FBXL13: variants seen among roughly 807,000 people sequenced by gnomAD.
FBXL13 encodes the protein F-box and leucine-rich repeat protein 13.
A neutral mutation model predicts 83.6 loss-of-function variants in FBXL13; 67 were observed. That is an observed-to-expected ratio of 0.80 (90% CI 0.66 to 0.98). FBXL13 has a LOEUF of 0.98. FBXL13 is among the 50% of genes least tolerant of loss of function. The probability of loss-of-function intolerance (pLI) is 0.00; values close to 1 mark genes in which losing one functional copy is unlikely to be tolerated. For synonymous variants in FBXL13, 272 were observed against 299.5 expected (o/e 0.91, Z 0.95); for missense variants, 822 against 866.5 (o/e 0.95, Z 0.64).
intron 11 of FBXL13, among the ~76,000 whole-genome samples, chr7:102,885,019 C>T (rs775749386): frequency 3.2e-4 from 48 of 152,058 alleles, no homozygotes; most frequent in African/African-American, 6.0e-4. Context: ...GGAAAAACTA[C>T]GTTTTAAAAA....
At chr7:102,941,724 G>A (rs1821484687) in intron 8 of FBXL13, among the ~76,000 whole-genome samples, 3 of 150,592 alleles carry the variant, frequency 2.0e-5, no homozygotes. Context: ...AACTATCAAT[G>A]CAAACAAGTT....
chr7:103,020,563 T>C (rs1793032179), intron 6 of FBXL13, among the ~76,000 whole-genome samples: 1 of 152,232 alleles, frequency 6.6e-6, no homozygotes, highest in African/African-American at 2.4e-5. Flanking sequence ...CCAGATGACA[T>C]GATTGTATAT....
At chr7:102,834,702 G>GT (rs1015450975) in intron 17 of FBXL13, 10 of 151,938 alleles carry the variant, frequency 6.6e-5, no homozygotes, top group Non-Finnish European at 1.5e-4. Context: ...ACATTCAATT[G>GT]TTTTTTCAGT....
At chr7:102,811,571 C>A (rs1240895164), downstream of FBXL13, among the ~76,000 whole-genome samples, 1 of 152,204 alleles carries the variant, frequency 6.6e-6, no homozygotes, top group Non-Finnish European at 1.5e-5. Context: ...GAATGTAAAG[C>A]AACCTGCTAG....
intron 16 of FBXL13, among the ~76,000 whole-genome samples, chr7:102,864,802 A>C (rs375689938): frequency 1.3e-5 from 2 of 152,262 alleles, no homozygotes; most frequent in Non-Finnish European, 2.9e-5. Flanking sequence ...GTGCCAGCTT[A>C]CATGCATTGC....
At chr7:102,859,995 T>C (rs180786219) in intron 16 of FBXL13, among the ~76,000 whole-genome samples, 238 of 152,198 alleles carry the variant, frequency 1.6e-3, no homozygotes, top group African/African-American at 5.5e-3. Flanking sequence ...GCCTGAATCT[T>C]AGGGGCCCAG....
chr7:102,889,842 A>T (rs1425695803), intron 11 of FBXL13, among the ~76,000 whole-genome samples: 2 of 152,200 alleles, frequency 1.3e-5, no homozygotes, highest in African/African-American at 4.8e-5. Context: ...TTCATAAAAC[A>T]TACAATCTTT....
intron 8 of FBXL13, 124 bp downstream of exon 9, chr7:102,963,409 A>G (rs754357078): frequency 2.5e-5 from 28 of 1,128,296 alleles, no homozygotes; most frequent in African/African-American, 3.2e-5. Flanking sequence ...TTAAATGGTT[A>G]TAATTGGTAT....
chr7:103,053,048 C>T (rs1033449514), intron 2 of FBXL13, among the ~76,000 whole-genome samples: 4 of 151,898 alleles, frequency 2.6e-5, no homozygotes, highest in Non-Finnish European at 5.9e-5. Context: ...TGAGCCACTG[C>T]GCCCAGCCGA....
chr7:102,901,773 T>C (rs991208679), intron 11 of FBXL13, among the ~76,000 whole-genome samples: 5 of 152,250 alleles, frequency 3.3e-5, no homozygotes, highest in Admixed American at 2.6e-4. Context: ...CTCATGCTTT[T>C]TTATGGCTGA....
At chr7:102,894,625 G>C (rs1432595861) in intron 11 of FBXL13, among the ~76,000 whole-genome samples, 5 of 151,706 alleles carry the variant, frequency 3.3e-5, no homozygotes, top group African/African-American at 1.2e-4. Context: ...CTACTTGGGA[G>C]GCTTGAGGCA....
chr7:102,883,280 A>T, intron 14 of FBXL13, 25 bp downstream of exon 15: 1 of 1,589,376 alleles, frequency 6.3e-7, no homozygotes, highest in South Asian at 1.1e-5. Flanking sequence ...ACGTTTCTTG[A>T]ATATATTACT....
chr7:102,867,583 G>T (rs1807849899), intron 16 of FBXL13, among the ~76,000 whole-genome samples: 1 of 148,470 alleles, frequency 6.7e-6, no homozygotes, highest in Non-Finnish European at 1.5e-5. Flanking sequence ...GCCGCCTCAG[G>T]AAGAGCTTGG....
intron 11 of FBXL13, among the ~76,000 whole-genome samples, chr7:102,901,673 A>T (rs115342171): frequency 6.6e-6 from 1 of 152,170 alleles, no homozygotes; most frequent in Admixed American, 6.5e-5. Flanking sequence ...TTTTAAATAC[A>T]TCTCACAAAT....
At chr7:102,952,580 T>C (rs1279603951) in intron 8 of FBXL13, among the ~76,000 whole-genome samples, 1 of 152,156 alleles carries the variant, frequency 6.6e-6, no homozygotes, top group African/African-American at 2.4e-5. Flanking sequence ...ATAAACTGCA[T>C]GGAATTGACA....
chr7:102,867,367 C>CCAAA (rs1466722318), intron 16 of FBXL13, among the ~76,000 whole-genome samples: 1 of 147,408 alleles, frequency 6.8e-6, no homozygotes, highest in Non-Finnish European at 1.5e-5. Flanking sequence ...CCAAAAAAAC[C>CCAAA]CAAACAAACA....
chr7:103,066,520 C>G (rs1220400393), intron 1 of FBXL13, among the ~76,000 whole-genome samples: 2 of 151,594 alleles, frequency 1.3e-5, no homozygotes, highest in African/African-American at 4.8e-5. Context: ...GCCTCCTGAG[C>G]AGCTGGGACT....
chr7:103,067,268 G>A (rs1423406884), intron 1 of FBXL13, among the ~76,000 whole-genome samples: 2 of 152,148 alleles, frequency 1.3e-5, no homozygotes, highest in African/African-American at 4.8e-5. Context: ...GTTTTACCAG[G>A]GATGGGTGTT....
intron 8 of FBXL13, among the ~76,000 whole-genome samples, chr7:102,960,303 A>C (rs575140860): frequency 2.0e-5 from 3 of 152,044 alleles, no homozygotes; most frequent in Non-Finnish European, 4.4e-5. Flanking sequence ...GAATCTCTGA[A>C]TAGACCAATA....
Sources: allele counts gnomAD v4.1 joint callset (sites outside exome capture counted in the v4.1 genomes callset), GRCh38; gene constraint gnomAD v4.1.1; transcripts MANE v1.5; gene names NCBI Gene and HGNC (gene_info 2026-07-23, HGNC 2026-07-21).